The following SGCZ variants were observed in gnomAD, a reference collection of about 807,000 sequenced individuals.
The protein encoded by SGCZ is zeta-sarcoglycan.
SGCZ carries 40 observed loss-of-function variants against 41.3 expected under a neutral mutation model. The ratio of observed to expected loss-of-function variants is 0.97; its 90% CI spans 0.75 to 1.26. The LOEUF is 1.26. SGCZ is among the 50% of genes most tolerant of loss of function. The pLI is 0.00. For missense variants in SGCZ, 552 were observed against 369.8 expected, an observed-to-expected ratio of 1.49 and a Z score of -4.04; for synonymous variants, 206 against 137.5, an observed-to-expected ratio of 1.50 and a Z score of -3.49.
At chr8:14,573,267 G>A (rs550936746) in intron 1 of SGCZ, among the ~76,000 whole-genome samples, 1 of 141,974 alleles carries the variant, frequency 7.0e-6, no homozygotes, top group South Asian at 2.2e-4. Flanking sequence ...GCGCTGTCTC[G>A]GCTCACTGCA....
chr8:14,784,976 A>T (rs1800720002), intron 1 of SGCZ, among the ~76,000 whole-genome samples: 7 of 140,770 alleles, frequency 5.0e-5, no homozygotes, highest in South Asian at 2.2e-4. Flanking sequence ...TAATATATAT[A>T]TTTTTTATAT....
chr8:15,109,088 A>G lies in SGCZ; in HGVS notation c.39+128497T>C, dbSNP rs77102545. The stretch of plus-strand genomic sequence containing the variant: ...ATTGGAAAGGATTCGAAAAACAAAT[A>G]TGCAAAAAATAAAACACACACACAC... On this transcript the variant is annotated intron_variant, in intron 1 of 7. Transcript: ENST00000382080. Among the ~76,000 whole-genome samples the G allele has an allele frequency of 1.3e-3, 198 of 152,292 alleles. 1 individual carries two copies. The highest frequency in any genetic ancestry group is 3.9e-3 in the African/African-American group (161 of 41,572).
At chr8:14,684,969 G>A (rs1363632580) in intron 1 of SGCZ, among the ~76,000 whole-genome samples, 1 of 152,034 alleles carries the variant, frequency 6.6e-6, no homozygotes, top group Non-Finnish European at 1.5e-5. Flanking sequence ...AAATGTACAA[G>A]CAAACTTTGT....
In SGCZ at chr8:15,026,653, T is replaced by C. The variant is rs1171488960; in HGVS notation, c.39+210932A>G. ...GCCAATCAGAGCTCAGCTTGAGAGA[T>C]TCATTGTCCAAGCCATTCTCTAATA... is the stretch of plus-strand genomic sequence containing the variant. On this transcript the variant is annotated intron_variant, in intron 1 of 7. Coordinates refer to ENST00000382080, the MANE Select transcript of SGCZ (RefSeq NM_139167.4). Among the ~76,000 whole-genome samples the C allele has an allele frequency of 3.9e-5, 6 of 152,290 alleles. No homozygotes were observed. In the East Asian group the frequency reaches 9.7e-4, roughly 24 times the overall value.
intron 4 of SGCZ, among the ~76,000 whole-genome samples, chr8:14,181,580 G>A (rs747547431): frequency 3.9e-5 from 6 of 152,184 alleles, no homozygotes; most frequent in South Asian, 2.1e-4. Context: ...TGACAAGGGC[G>A]GGGCCAGATG....
chr8:14,415,825 T>A (rs980589115), intron 2 of SGCZ, among the ~76,000 whole-genome samples: 1 of 151,944 alleles, frequency 6.6e-6, no homozygotes, highest in Non-Finnish European at 1.5e-5. Flanking sequence ...TTACAGATGA[T>A]CAGTGCATTG....
intron 1 of SGCZ, among the ~76,000 whole-genome samples, chr8:14,594,933 A>T (rs73517251): frequency 2.0e-5 from 3 of 151,868 alleles, no homozygotes; most frequent in Non-Finnish European, 4.4e-5. Context: ...ATAACTCAAT[A>T]GAGACTTGGC....
intron 4 of SGCZ, among the ~76,000 whole-genome samples, chr8:14,213,522 C>T (rs1805888081): frequency 6.6e-6 from 1 of 151,894 alleles, no homozygotes; most frequent in South Asian, 2.1e-4. Flanking sequence ...AATATGTTAT[C>T]AGTAGATCTC....
chr8:14,867,757 C>G (rs1243759824), intron 1 of SGCZ, among the ~76,000 whole-genome samples: 1 of 151,958 alleles, frequency 6.6e-6, no homozygotes, highest in Non-Finnish European at 1.5e-5. Context: ...ACACTGGGGC[C>G]TCTTGGAGGG....
chr8:14,953,199 T>C (rs148790610), intron 1 of SGCZ, among the ~76,000 whole-genome samples: 65 of 152,204 alleles, frequency 4.3e-4, no homozygotes, highest in African/African-American at 1.5e-3. Flanking sequence ...ATAGGAAGCA[T>C]GGCTGGGTGA....
At chr8:15,133,950 T>A (rs17120994) in intron 1 of SGCZ, among the ~76,000 whole-genome samples, 1 of 152,168 alleles carries the variant, frequency 6.6e-6, no homozygotes. Context: ...GTTCTGTTTT[T>A]AATATTATCA....
At chr8:14,745,722 G>C (rs781236877) in intron 1 of SGCZ, among the ~76,000 whole-genome samples, 2 of 151,758 alleles carry the variant, frequency 1.3e-5, no homozygotes, top group South Asian at 4.2e-4. Context: ...AAATTTAACC[G>C]AGCTACAAGA....
At chr8:14,247,544 A>G (rs1279893498) in intron 3 of SGCZ, among the ~76,000 whole-genome samples, 2 of 152,218 alleles carry the variant, frequency 1.3e-5, no homozygotes, top group African/African-American at 2.4e-5. Context: ...AGGGAATAGT[A>G]CTATCTCTAT....
At chr8:14,429,646 A>G (rs1799886944) in intron 2 of SGCZ, among the ~76,000 whole-genome samples, 1 of 152,208 alleles carries the variant, frequency 6.6e-6, no homozygotes, top group African/African-American at 2.4e-5. Flanking sequence ...TGAGATCATA[A>G]TGGATTTAGA....
chr8:14,710,017 G>C (rs983412209), intron 1 of SGCZ, among the ~76,000 whole-genome samples: 2 of 152,112 alleles, frequency 1.3e-5, no homozygotes, highest in African/African-American at 4.8e-5. Context: ...AGTCCATTAA[G>C]CTCCCTTCTG....
chr8:14,330,184 T>C (rs1191824703), intron 2 of SGCZ, among the ~76,000 whole-genome samples: 3 of 152,172 alleles, frequency 2.0e-5, no homozygotes, highest in Non-Finnish European at 4.4e-5. Context: ...TATACATTTT[T>C]ACCTCTTCTT....
At chr8:14,376,896 A>T (rs1420973846) in intron 2 of SGCZ, among the ~76,000 whole-genome samples, 1 of 152,232 alleles carries the variant, frequency 6.6e-6, no homozygotes, top group Non-Finnish European at 1.5e-5. Flanking sequence ...TTAACATAAT[A>T]TACCACAGTG....
At chr8:14,994,920 T>C (rs1296228482) in intron 1 of SGCZ, among the ~76,000 whole-genome samples, 2 of 152,208 alleles carry the variant, frequency 1.3e-5, no homozygotes, top group Non-Finnish European at 2.9e-5. Context: ...CCTCAACACC[T>C]TTCCTGCCAA....
chr8:14,232,000 A>G (rs921432464), intron 4 of SGCZ, among the ~76,000 whole-genome samples: 18 of 152,000 alleles, frequency 1.2e-4, no homozygotes, highest in African/African-American at 4.1e-4. Context: ...ATAGTTTTAA[A>G]AAGGAAGTTA....
Sources: allele counts gnomAD v4.1 joint callset (sites outside exome capture counted in the v4.1 genomes callset), GRCh38; gene constraint gnomAD v4.1.1; transcripts MANE v1.5; gene names NCBI Gene and HGNC (gene_info 2026-07-23, HGNC 2026-07-21).